The following DPH6 variants were observed in gnomAD, a reference collection of about 807,000 sequenced individuals.
The protein encoded by DPH6 is diphthamine biosynthesis 6, also known as diphthine--ammonia ligase.
DPH6 carries 33 observed loss-of-function variants against 38.2 expected under a neutral mutation model. That is an observed-to-expected ratio of 0.86 (90% confidence interval 0.65 to 1.15). The LOEUF (loss-of-function observed/expected upper bound fraction) is 1.15, where lower values mean the gene tolerates loss of function less well. Ranked by LOEUF, DPH6 falls within the 50% of genes most tolerant of loss-of-function variation. DPH6 has a pLI of 0.00. For synonymous variants in DPH6, 108 were observed against 103.0 expected (o/e 1.05, Z -0.30); for missense variants, 325 against 320.0 (o/e 1.02, Z -0.12).
intron 3 of DPH6, among the ~76,000 whole-genome samples, chr15:35,261,528 C>T (rs78111717): frequency 0.018 from 2,416 of 131,482 alleles, 63 homozygotes; most frequent in African/African-American, 0.058. Context: ...GAATGTAAAT[C>T]TATAAAGTTA....
chr15:35,487,447 C>G (rs1234479033), intron 3 of DPH6, among the ~76,000 whole-genome samples: 2 of 152,246 alleles, frequency 1.3e-5, no homozygotes, highest in Non-Finnish European at 2.9e-5. Context: ...ACCTGCAGGC[C>G]CAACACCATG....
chr15:35,325,201 GT>G (rs568108288), intron 3 of DPH6, among the ~76,000 whole-genome samples: 22 of 151,370 alleles, frequency 1.5e-4, no homozygotes, highest in African/African-American at 2.9e-4. Flanking sequence ...ATTCCAGCTG[GT>G]TTTTTTTTAT....
At chr15:35,183,986 T>C in the DPH6 span, among the ~76,000 whole-genome samples, 1 of 152,216 alleles carries the variant, frequency 6.6e-6, no homozygotes, top group Admixed American at 6.5e-5. Flanking sequence ...GAGATGATCA[T>C]CAGTATGAAT....
intron 3 of DPH6, among the ~76,000 whole-genome samples, chr15:35,279,048 CAAA>C (rs71123126): frequency 4.2e-5 from 3 of 70,650 alleles, no homozygotes; most frequent in Admixed American, 1.9e-4. Flanking sequence ...GACTCTGTCT[CAAA>C]AAAAAAAAAA....
intron 5 of DPH6, among the ~76,000 whole-genome samples, chr15:35,440,750 G>C (rs1291255682): frequency 6.6e-6 from 1 of 152,156 alleles, no homozygotes; most frequent in African/African-American, 2.4e-5. Context: ...GGAGCCACCA[G>C]GAATATGTGC....
intron 6 of DPH6, among the ~76,000 whole-genome samples, chr15:35,392,736 G>A (rs1323425966): frequency 6.6e-6 from 1 of 152,178 alleles, no homozygotes; most frequent in African/African-American, 2.4e-5. Context: ...ACAGTATAAA[G>A]CAGGGTACCA....
In DPH6 at chr15:35,381,813, A is replaced by G; in HGVS notation, c.662+9T>C. 6.3e-7 allele frequency: 1 copy of G among 1,598,470 alleles called. No homozygotes were observed. Among genetic ancestry groups the G allele is most frequent in the South Asian group, 1.1e-5 (1 of 90,044 alleles). ...GGGAAAAAAAGAAAATGCTGAAATG[A>G]TATCTTACACAATTATTTTCTTCTT... On this transcript the variant is annotated intron_variant, in intron 7 of 8. Coordinates refer to ENST00000256538, the MANE Select transcript of DPH6 (RefSeq NM_080650.4).
chr15:35,457,709 C>T (rs2124188), intron 3 of DPH6, among the ~76,000 whole-genome samples: 108,976 of 152,096 alleles, frequency 0.72, 40,038 homozygotes, highest in South Asian at 0.84. Context: ...AAAGTGAAGA[C>T]AAAAAATATC....
the DPH6 span, among the ~76,000 whole-genome samples, chr15:35,204,898 T>C: frequency 6.6e-6 from 1 of 151,926 alleles, no homozygotes; most frequent in African/African-American, 2.4e-5. Context: ...TGTCTGCATT[T>C]TGCTGTCTCT....
At chr15:35,301,023 A>G (rs2052051181) in intron 3 of DPH6, among the ~76,000 whole-genome samples, 1 of 152,188 alleles carries the variant, frequency 6.6e-6, no homozygotes, top group Non-Finnish European at 1.5e-5. Flanking sequence ...TTATTTCTTG[A>G]TCTGAGCAAC....
chr15:35,237,341 C>T lies in DPH6; in HGVS notation n.201-16759G>A, dbSNP rs549610830. ...AACGCGAGAGATGAAGATGGGCAGACGGATTCATTTAGAGCTGCGGAACAG... is the reference window on the plus strand; with the variant it reads ...AACGCGAGAGATGAAGATGGGCAGATGGATTCATTTAGAGCTGCGGAACAG... On this transcript the variant is annotated intron_variant and non_coding_transcript_variant, in intron 3 of 3. Transcript: ENST00000560386. 22 of 1,593,074 alleles carry T rather than the reference C, an allele frequency of 1.4e-5. No homozygotes were observed. In the East Asian group the frequency reaches 1.8e-4, roughly 13 times the overall value.
At chr15:35,413,888 T>C (rs2053402790) in intron 5 of DPH6, among the ~76,000 whole-genome samples, 1 of 151,706 alleles carries the variant, frequency 6.6e-6, no homozygotes, top group Non-Finnish European at 1.5e-5. Context: ...ACTCTGCTGA[T>C]CAGAATGCTA....
At chr15:35,404,424 G>C (rs551185486) in intron 6 of DPH6, among the ~76,000 whole-genome samples, 1 of 152,066 alleles carries the variant, frequency 6.6e-6, no homozygotes, top group Non-Finnish European at 1.5e-5. Flanking sequence ...CATTTTAACT[G>C]GTGTGAGAGA....
intron 6 of DPH6, among the ~76,000 whole-genome samples, chr15:35,403,403 G>T (rs2053247791): frequency 6.6e-6 from 1 of 151,872 alleles, no homozygotes; most frequent in Non-Finnish European, 1.5e-5. Context: ...CTTTATGTTA[G>T]AATCAGTCCA....
At chr15:35,541,840 A>C (rs1237528928) in intron 2 of DPH6, among the ~76,000 whole-genome samples, 1 of 152,144 alleles carries the variant, frequency 6.6e-6, no homozygotes, top group Non-Finnish European at 1.5e-5. Context: ...AAAGTAGTCA[A>C]TATGAGGTCT....
At chr15:35,228,840 G>A (rs531592049) in intron 3 of DPH6, among the ~76,000 whole-genome samples, 1 of 152,134 alleles carries the variant, frequency 6.6e-6, no homozygotes, top group East Asian at 1.9e-4. Flanking sequence ...TTATTCCAGG[G>A]TAAAAGTTTT....
intron 3 of DPH6, among the ~76,000 whole-genome samples, chr15:35,224,964 A>G (rs2051470445): frequency 6.6e-6 from 1 of 152,210 alleles, no homozygotes; most frequent in Non-Finnish European, 1.5e-5. Context: ...GTCAGTCACT[A>G]AACTCCAGAT....
chr15:35,416,675 T>A (rs985102480), intron 5 of DPH6, among the ~76,000 whole-genome samples: 5 of 152,100 alleles, frequency 3.3e-5, no homozygotes. Flanking sequence ...GGTTACTTTA[T>A]CTGAATATCT....
At chr15:35,309,291 A>T (rs761359503) in intron 3 of DPH6, among the ~76,000 whole-genome samples, 10 of 152,244 alleles carry the variant, frequency 6.6e-5, no homozygotes, top group Non-Finnish European at 1.2e-4. Flanking sequence ...TGATATCAGG[A>T]AAAGAAAACA....
Sources: gnomAD v4.1 joint callset for allele counts (sites outside exome capture counted in the v4.1 genomes callset) on GRCh38, gnomAD v4.1.1 for gene constraint, MANE v1.5 for transcripts, NCBI Gene and HGNC (gene_info 2026-07-23, HGNC 2026-07-21) for gene names.